Variants in GUCY1B1 observed in about 807,000 individuals in gnomAD.
The protein encoded by GUCY1B1 is guanylate cyclase 1 soluble subunit beta 1.
A neutral mutation model predicts 71.0 loss-of-function variants in GUCY1B1; 43 were observed. The ratio of observed to expected loss-of-function variants is 0.61; its 90% CI spans 0.47 to 0.78. The LOEUF is 0.78. GUCY1B1 is among the 30% of genes least tolerant of loss of function. GUCY1B1 has a pLI of 0.00. For synonymous variants in GUCY1B1, 266 were observed against 259.7 expected (o/e 1.02, Z -0.23); for missense variants, 535 against 754.1 (o/e 0.71, Z 3.40).
intron 5 of GUCY1B1, among the ~76,000 whole-genome samples, chr4:155,791,974 G>T (rs2111121645): frequency 6.6e-6 from 1 of 152,152 alleles, no homozygotes; most frequent in East Asian, 1.9e-4. Context: ...GATGGCTTTA[G>T]CAAACTGTAT....
intron 5 of GUCY1B1, among the ~76,000 whole-genome samples, chr4:155,792,555 A>G (rs1257237254): frequency 6.6e-6 from 1 of 152,074 alleles, no homozygotes; most frequent in African/African-American, 2.4e-5. Flanking sequence ...GCTACAAAAT[A>G]TATCTAAAAG....
At chr4:155,794,346 G>GA (rs915866666) in intron 6 of GUCY1B1, among the ~76,000 whole-genome samples, 1 of 151,668 alleles carries the variant, frequency 6.6e-6, no homozygotes, top group Admixed American at 6.6e-5. Context: ...TTGTTACAGT[G>GA]AAAAAAAATG....
At chr4:155,762,127 G>T (rs538911828) in intron 2 of GUCY1B1, among the ~76,000 whole-genome samples, 108 of 152,320 alleles carry the variant, frequency 7.1e-4, no homozygotes, top group Middle Eastern at 3.4e-3. Flanking sequence ...CTCCCTGGGA[G>T]AGCATTTGCT....
At chr4:155,798,015 G>C (rs1039966107) in intron 8 of GUCY1B1, among the ~76,000 whole-genome samples, 1 of 152,058 alleles carries the variant, frequency 6.6e-6, no homozygotes, top group Non-Finnish European at 1.5e-5. Flanking sequence ...GTTGAGCTTA[G>C]GAGAATGTCA....
intron 6 of GUCY1B1, among the ~76,000 whole-genome samples, chr4:155,795,130 A>G (rs879900953): frequency 6.6e-6 from 1 of 152,130 alleles, no homozygotes; most frequent in Admixed American, 6.5e-5. Flanking sequence ...ATCAGATTTC[A>G]TGTTCTTGTA....
intron 5 of GUCY1B1, among the ~76,000 whole-genome samples, chr4:155,793,620 A>G (rs537018278): frequency 6.6e-6 from 1 of 152,152 alleles, no homozygotes; most frequent in African/African-American, 2.4e-5. Flanking sequence ...CATATAGGAT[A>G]CTGGGGAACT....
intron 2 of GUCY1B1, 111 bp downstream of exon 2, chr4:155,759,971 G>A: frequency 1.4e-6 from 1 of 707,616 alleles, no homozygotes; most frequent in Non-Finnish European, 2.4e-6. Flanking sequence ...GCGCATCCTT[G>A]GAGGTGCCTC....
chr4:155,769,285 C>G (rs1032569664), intron 2 of GUCY1B1, among the ~76,000 whole-genome samples: 3 of 152,064 alleles, frequency 2.0e-5, no homozygotes, highest in Non-Finnish European at 4.4e-5. Context: ...TGTTTATTTT[C>G]CATACTGTGT....
chr4:155,786,461 CTTTTT>C (rs70954058), intron 4 of GUCY1B1, among the ~76,000 whole-genome samples: 2 of 37,150 alleles, frequency 5.4e-5, no homozygotes, highest in African/African-American at 2.4e-4. Context: ...TTCTTTCTTT[CTTTTT>C]TTTTTTTTTT....
chr4:155,799,936 A>G lies in GUCY1B1; in HGVS notation c.1037A>G (p.His346Arg). The change falls in exon 9 of 14, where the codon CAT becomes CGT. Residue 346 changes from histidine (H) to arginine (R), a missense_variant. By Grantham distance (29) the His-to-Arg change is conservative (BLOSUM62 0). Transcript: ENST00000264424. ...CTGTATCTAAGTGACATCCCTCTGC[A>G]TGATGCCACGCGCGATCTTGTTCTT... is the stretch of plus-strand genomic sequence containing the variant. Reference protein sequence around the residue: ...RGLYLSDIPLHDATRDLVLLG... With the variant: ...RGLYLSDIPLRDATRDLVLLG... 3 of 1,613,202 alleles carry G rather than the reference A, an allele frequency of 1.9e-6. No homozygotes were observed. Among genetic ancestry groups the G allele is most frequent in the Non-Finnish European group, 1.7e-6 (2 of 1,179,222 alleles).
rs755882484 is a variant in GUCY1B1, at chr4:155,759,129, G to GGT, written c.-10_-9dup. ...CGTGGGGGCTGCCTCCCCGGCTCCC[G>GGT]GTGCAGACACCATGGTAAGTGCTCT... On this transcript the variant is annotated 5_prime_UTR_variant, in exon 1 of 14. Transcript: ENST00000264424. 45 of 1,592,176 alleles carry GGT rather than the reference G, an allele frequency of 2.8e-5. No homozygotes were observed. In the African/African-American group the frequency reaches 5.7e-4, roughly 20 times the overall value.
intron 5 of GUCY1B1, among the ~76,000 whole-genome samples, chr4:155,793,366 T>C (rs1739315546): frequency 6.6e-6 from 1 of 152,214 alleles, no homozygotes; most frequent in Non-Finnish European, 1.5e-5. Flanking sequence ...CGTGAGCCAC[T>C]GCACCTGGCC....
At chr4:155,800,578 C>A (rs1657471461) in intron 9 of GUCY1B1, among the ~76,000 whole-genome samples, 1 of 152,052 alleles carries the variant, frequency 6.6e-6, no homozygotes, top group South Asian at 2.1e-4. Context: ...TATGTAATGA[C>A]AACAATTACA....
intron 2 of GUCY1B1, among the ~76,000 whole-genome samples, chr4:155,767,563 G>C (rs1293593890): frequency 1.2e-4 from 18 of 152,220 alleles, no homozygotes. Flanking sequence ...AGGTATGGGT[G>C]TCACTCAGGA....
At position 155,802,237 on chromosome 4, in the gene GUCY1B1, C is replaced by T. The variant is rs544717448; in HGVS notation, c.1176-105C>T. 6.5e-7 allele frequency: 1 copy of T among 1,546,540 alleles called. No individual in the cohort carries two copies. The highest frequency in any genetic ancestry group is 1.4e-5 in the African/African-American group (1 of 73,568). On this transcript the variant is annotated intron_variant, in intron 9 of 13. Coordinates refer to ENST00000264424, the MANE Select transcript of GUCY1B1 (RefSeq NM_000857.5). This position sits in a 1 kb window ranked among gnomAD's most constrained non-coding sequence, Gnocchi z 4.3. ...GAGGATGTCCTGCTAGAATCCAGGC[C>T]TTTAAAGTACAAACGACACTGATGC...
chr4:155,774,335 C>T (rs1487471315), intron 2 of GUCY1B1, among the ~76,000 whole-genome samples: 3 of 152,168 alleles, frequency 2.0e-5, no homozygotes, highest in Non-Finnish European at 4.4e-5. Context: ...GCTCTTCCCT[C>T]TGCCCAGAAC....
chr4:155,784,162 C>G (rs1738616002), intron 4 of GUCY1B1, among the ~76,000 whole-genome samples: 1 of 152,004 alleles, frequency 6.6e-6, no homozygotes, highest in African/African-American at 2.4e-5. Context: ...AGCTTTAACG[C>G]TATTTCCATT....
intron 13 of GUCY1B1, 29 bp from the exon 14 acceptor site, chr4:155,806,357 C>T (rs1441449871): frequency 6.6e-7 from 1 of 1,525,728 alleles, no homozygotes; most frequent in Non-Finnish European, 9.1e-7. Flanking sequence ...CACTGTAAAT[C>T]AATCCCTCTT....
intron 4 of GUCY1B1, among the ~76,000 whole-genome samples, chr4:155,782,448 C>T (rs934273789): frequency 6.6e-6 from 1 of 152,152 alleles, no homozygotes; most frequent in Non-Finnish European, 1.5e-5. Flanking sequence ...GCAAAGAATA[C>T]ATGGGATTTG....
Sources: allele counts gnomAD v4.1 joint callset (sites outside exome capture counted in the v4.1 genomes callset), GRCh38; gene constraint gnomAD v4.1.1; non-coding constraint Gnocchi (gnomAD v3.1); transcripts MANE v1.5; gene names NCBI Gene and HGNC (gene_info 2026-07-23, HGNC 2026-07-21).